SETBP1: variants seen among roughly 807,000 people sequenced by gnomAD.
The protein encoded by SETBP1 is SET binding protein 1.
Under a neutral mutation model 101.0 loss-of-function variants are expected in SETBP1, and 9 were observed. The observed-to-expected ratio is 0.09, with a 90% CI of 0.05 to 0.16. SETBP1 has a LOEUF of 0.16. SETBP1 is among the 10% of genes least tolerant of loss of function. SETBP1 has a pLI of 1.00. For synonymous variants in SETBP1, 818 were observed against 788.5 expected, an observed-to-expected ratio of 1.04 and a Z score of -0.63; for missense variants, 1,858 against 2,033.8, an observed-to-expected ratio of 0.91 and a Z score of 1.66.
At chr18:44,961,908 A>G (rs1368286369) in intron 4 of SETBP1, among the ~76,000 whole-genome samples, 1 of 152,222 alleles carries the variant, frequency 6.6e-6, no homozygotes, top group African/African-American at 2.4e-5. Flanking sequence ...AGCCATGTAC[A>G]AAGGATTATA....
At chr18:44,865,040 A>G (rs2069099138) in intron 2 of SETBP1, among the ~76,000 whole-genome samples, 1 of 152,122 alleles carries the variant, frequency 6.6e-6, no homozygotes, top group Non-Finnish European at 1.5e-5. Context: ...TTCTGAGCAA[A>G]TCTATCCCAG....
intron 4 of SETBP1, among the ~76,000 whole-genome samples, chr18:45,019,866 A>G (rs1304528051): frequency 6.6e-6 from 1 of 152,118 alleles, no homozygotes; most frequent in African/African-American, 2.4e-5. Flanking sequence ...TTTGGAGTCC[A>G]CACACTAAAT....
At chr18:44,805,963 G>C (rs1158742644) in intron 2 of SETBP1, among the ~76,000 whole-genome samples, 3 of 152,138 alleles carry the variant, frequency 2.0e-5, no homozygotes, top group Admixed American at 1.3e-4. Context: ...TTTCAGGGGA[G>C]AAGTCTGGTA....
At chr18:44,689,608 C>T (rs958977101) in intron 1 of SETBP1, among the ~76,000 whole-genome samples, 2 of 152,056 alleles carry the variant, frequency 1.3e-5, no homozygotes, top group Non-Finnish European at 2.9e-5. Flanking sequence ...CAGCAGCCAG[C>T]CATTTAGGTC....
chr18:44,716,701 T>A (rs763225897), intron 2 of SETBP1, among the ~76,000 whole-genome samples: 14 of 152,192 alleles, frequency 9.2e-5, no homozygotes, highest in Non-Finnish European at 1.5e-4. Context: ...TAGCTGGGAT[T>A]ACAGGCATTT....
At chr18:45,018,846 C>T (rs189660261) in intron 4 of SETBP1, among the ~76,000 whole-genome samples, 319 of 152,312 alleles carry the variant, frequency 2.1e-3, no homozygotes, top group African/African-American at 7.3e-3. Context: ...GGCATAGGCT[C>T]ATGCTCCCTG....
At chr18:44,899,221 A>T (rs1328483152) in intron 3 of SETBP1, among the ~76,000 whole-genome samples, 1 of 152,244 alleles carries the variant, frequency 6.6e-6, no homozygotes, top group African/African-American at 2.4e-5. Flanking sequence ...CATTTTAAAT[A>T]TTCTCTAGAA....
intron 4 of SETBP1, among the ~76,000 whole-genome samples, chr18:44,972,144 A>G (rs1296912721): frequency 6.6e-6 from 1 of 152,176 alleles, no homozygotes; most frequent in Non-Finnish European, 1.5e-5. Flanking sequence ...TCCTTTCCCC[A>G]TTTCTTATTT....
chr18:44,749,510 C>T (rs2070334828), intron 2 of SETBP1, among the ~76,000 whole-genome samples: 1 of 152,142 alleles, frequency 6.6e-6, no homozygotes, highest in Non-Finnish European at 1.5e-5. Flanking sequence ...GAGCTTTTCC[C>T]TGGATTCCAG....
At chr18:44,938,131 AG>A (rs1242970582) in intron 3 of SETBP1, among the ~76,000 whole-genome samples, 3 of 152,098 alleles carry the variant, frequency 2.0e-5, no homozygotes, top group Non-Finnish European at 4.4e-5. Context: ...CTCTGGAGCA[AG>A]CCACGTCCTG....
At chr18:45,029,622 T>C (rs1449432223) in intron 4 of SETBP1, among the ~76,000 whole-genome samples, 1 of 152,228 alleles carries the variant, frequency 6.6e-6, no homozygotes, top group Non-Finnish European at 1.5e-5. Context: ...ATTTTCATGA[T>C]ATTGATTCTT....
intron 2 of SETBP1, among the ~76,000 whole-genome samples, chr18:44,819,722 G>C (rs1476554853): frequency 1.3e-5 from 2 of 152,146 alleles, no homozygotes; most frequent in Non-Finnish European, 2.9e-5. Context: ...CACATGGCTT[G>C]ACTATCTTGG....
chr18:44,985,027 G>A (rs1422621038), intron 4 of SETBP1, among the ~76,000 whole-genome samples: 2 of 152,120 alleles, frequency 1.3e-5, no homozygotes, highest in African/African-American at 4.8e-5. Flanking sequence ...TATAATCCCA[G>A]CTACTCGGGA....
At chr18:44,887,583 T>TTC (rs1392042723) in intron 3 of SETBP1, among the ~76,000 whole-genome samples, 1 of 152,160 alleles carries the variant, frequency 6.6e-6, no homozygotes, top group East Asian at 1.9e-4. Context: ...CTTTTCTCTG[T>TTC]TCTCAACTAA....
At chr18:44,880,322 A>G (rs957801359) in intron 3 of SETBP1, among the ~76,000 whole-genome samples, 3 of 152,180 alleles carry the variant, frequency 2.0e-5, no homozygotes, top group Admixed American at 6.5e-5. Context: ...TCCAGCAAAT[A>G]GTCCATTGTT....
At position 44,952,559 on chromosome 18, in the gene SETBP1, G is replaced by A; in HGVS notation, c.3219G>A (p.Leu1073=). The A allele has an allele frequency of 6.2e-7, 1 of 1,614,068 alleles. No homozygotes were observed. The highest frequency in any genetic ancestry group is 8.5e-7 in the Non-Finnish European group (1 of 1,180,034). ...ATTACGGTCAGTACCCAGCTCCTTT[G>A]TACCTATCGCACACGCTTGGAGCAG... is the stretch of plus-strand genomic sequence containing the variant. ...LGYYGQYPAP[L]YLSHTLGAAS... Residue 1073 remains leucine (L), a synonymous_variant, in exon 4 of 6, where the codon TTG becomes TTA. Transcript: ENST00000649279.
At chr18:44,884,622 C>T (rs1000923839) in intron 3 of SETBP1, among the ~76,000 whole-genome samples, 2 of 152,126 alleles carry the variant, frequency 1.3e-5, no homozygotes, top group Non-Finnish European at 2.9e-5. Flanking sequence ...AACTGGAATC[C>T]CCAGCAACTG....
At chr18:45,043,627 T>G (rs1315241565) in intron 5 of SETBP1, among the ~76,000 whole-genome samples, 1 of 152,188 alleles carries the variant, frequency 6.6e-6, no homozygotes, top group South Asian at 2.1e-4. Flanking sequence ...CCAGAGCCCA[T>G]GAATAAGTAA....
intron 4 of SETBP1, among the ~76,000 whole-genome samples, chr18:45,018,814 C>G (rs528612303): frequency 1.3e-5 from 2 of 152,110 alleles, no homozygotes; most frequent in Non-Finnish European, 2.9e-5. Context: ...AAACTGATTA[C>G]GAGCAAAATT....
Sources: gnomAD v4.1 joint callset for allele counts (sites outside exome capture counted in the v4.1 genomes callset) on GRCh38, gnomAD v4.1.1 for gene constraint, MANE v1.5 for transcripts, NCBI Gene and HGNC (gene_info 2026-07-23, HGNC 2026-07-21) for gene names.